The following STARD13 variants were observed in gnomAD, a reference collection of about 807,000 sequenced individuals.
STARD13 encodes stAR-related lipid transfer protein 13.
In STARD13, 62 loss-of-function variants were observed where a neutral mutation model predicts 106.4. The observed-to-expected ratio is 0.58, with a 90% confidence interval of 0.48 to 0.72. The LOEUF is 0.72. Among genes scored for constraint, STARD13 ranks in the 30% least tolerant of loss-of-function variants. STARD13 has a pLI of 0.00. For missense variants in STARD13, 1,387 were observed against 1,424.0 expected (o/e 0.97, Z 0.42); for synonymous variants, 565 against 553.0 (o/e 1.02, Z -0.31).
At chr13:33,342,132 T>TA (rs1166725256) in intron 1 of STARD13, among the ~76,000 whole-genome samples, 1 of 152,190 alleles carries the variant, frequency 6.6e-6, no homozygotes, top group Non-Finnish European at 1.5e-5. Context: ...TATCTATTTA[T>TA]ATGCTCTGAA....
At chr13:33,207,294 C>T (rs538703628) in intron 1 of STARD13, among the ~76,000 whole-genome samples, 45 of 152,324 alleles carry the variant, frequency 3.0e-4, no homozygotes, top group Non-Finnish European at 5.7e-4. Context: ...TACCTTAGTT[C>T]TCCTTCCACT....
chr13:33,669,163 G>C, the STARD13 span, among the ~76,000 whole-genome samples: 1 of 152,192 alleles, frequency 6.6e-6, no homozygotes, highest in Non-Finnish European at 1.5e-5. Context: ...AGAATGGCTT[G>C]CAGAATAGGA....
intron 7 of STARD13, among the ~76,000 whole-genome samples, chr13:33,120,033 A>G (rs1876028071): frequency 6.6e-6 from 1 of 152,244 alleles, no homozygotes; most frequent in South Asian, 2.1e-4. Flanking sequence ...AAGGAGGCCC[A>G]GGACTGTGCA....
chr13:33,676,520 G>A, the STARD13 span, among the ~76,000 whole-genome samples: 3 of 152,132 alleles, frequency 2.0e-5, no homozygotes, highest in African/African-American at 7.2e-5. Context: ...TTAAGTCAGA[G>A]CTGTGCGTGC....
intron 1 of STARD13, among the ~76,000 whole-genome samples, chr13:33,249,240 C>T (rs1191214820): frequency 6.6e-6 from 1 of 152,226 alleles, no homozygotes; most frequent in East Asian, 1.9e-4. Flanking sequence ...CCACAAGCAG[C>T]TGTCAATAAA....
At chr13:33,532,774 A>G in the STARD13 span, among the ~76,000 whole-genome samples, 1 of 152,348 alleles carries the variant, frequency 6.6e-6, no homozygotes, top group East Asian at 1.9e-4. Flanking sequence ...GTAATTATGA[A>G]CTAATCTGAT....
the STARD13 span, among the ~76,000 whole-genome samples, chr13:33,608,614 A>G: frequency 6.6e-6 from 1 of 152,208 alleles, no homozygotes; most frequent in Non-Finnish European, 1.5e-5. Flanking sequence ...CAGTGGTGAT[A>G]AGGTAGACTC....
At chr13:33,628,744 G>A in the STARD13 span, among the ~76,000 whole-genome samples, 3 of 152,158 alleles carry the variant, frequency 2.0e-5, no homozygotes, top group East Asian at 1.9e-4. Context: ...GGGAGGCACC[G>A]CATTGTAGGG....
chr13:33,538,918 T>C, the STARD13 span, among the ~76,000 whole-genome samples: 27 of 152,044 alleles, frequency 1.8e-4, no homozygotes, highest in Non-Finnish European at 1.6e-4. Context: ...TACAGGTGCC[T>C]GCCACCATGC....
intron 6 of STARD13, among the ~76,000 whole-genome samples, chr13:33,126,638 A>G (rs1215828613): frequency 1.3e-5 from 2 of 152,256 alleles, no homozygotes; most frequent in Non-Finnish European, 2.9e-5. Context: ...GGGAGAAAAG[A>G]AGAACAATAT....
the STARD13 span, among the ~76,000 whole-genome samples, chr13:33,643,468 CAT>C: frequency 3.9e-5 from 6 of 152,252 alleles, no homozygotes; most frequent in African/African-American, 1.4e-4. Context: ...GCTGGAGACT[CAT>C]AGTGTGGCCC....
At chr13:33,314,161 C>T (rs962373726) in intron 1 of STARD13, among the ~76,000 whole-genome samples, 1 of 152,014 alleles carries the variant, frequency 6.6e-6, no homozygotes, top group Non-Finnish European at 1.5e-5. Context: ...GGAGAGAGAC[C>T]CCTCTCCAAG....
the STARD13 span, among the ~76,000 whole-genome samples, chr13:33,427,614 T>C: frequency 6.6e-6 from 1 of 152,170 alleles, no homozygotes; most frequent in Admixed American, 6.5e-5. Context: ...TAGCCAGTAG[T>C]TATATACAGG....
At chr13:33,460,406 G>A in the STARD13 span, among the ~76,000 whole-genome samples, 13 of 151,344 alleles carry the variant, frequency 8.6e-5, no homozygotes, top group Non-Finnish European at 1.3e-4. Flanking sequence ...CAGGAGAACC[G>A]CTTGAACCTG....
the STARD13 span, among the ~76,000 whole-genome samples, chr13:33,485,875 G>A: frequency 3.9e-5 from 6 of 152,152 alleles, no homozygotes; most frequent in Non-Finnish European, 5.9e-5. Flanking sequence ...AGAGATGCAA[G>A]AAGAAAACAA....
At chr13:33,326,771 G>A (rs2077780058) in intron 1 of STARD13, among the ~76,000 whole-genome samples, 1 of 152,192 alleles carries the variant, frequency 6.6e-6, no homozygotes, top group African/African-American at 2.4e-5. Context: ...GTTATCTTAT[G>A]TATTAGGTTA....
At chr13:33,116,612 T>A (rs1026947439) in intron 8 of STARD13, among the ~76,000 whole-genome samples, 1 of 152,260 alleles carries the variant, frequency 6.6e-6, no homozygotes, top group Admixed American at 6.5e-5. Flanking sequence ...GGCTTTAGCC[T>A]TAGACTAGTG....
the STARD13 span, among the ~76,000 whole-genome samples, chr13:33,435,512 A>G: frequency 6.6e-6 from 1 of 152,148 alleles, no homozygotes; most frequent in South Asian, 2.1e-4. Context: ...GCACACTTTG[A>G]TGCTTTCTTT....
the STARD13 span, among the ~76,000 whole-genome samples, chr13:33,537,987 C>G: frequency 2.0e-5 from 3 of 152,146 alleles, no homozygotes; most frequent in Non-Finnish European, 4.4e-5. Context: ...CCCACAAACA[C>G]CTCTGGAATT....
Sources: gnomAD v4.1 joint callset for allele counts (sites outside exome capture counted in the v4.1 genomes callset) on GRCh38, gnomAD v4.1.1 for gene constraint, MANE v1.5 for transcripts, NCBI Gene and HGNC (gene_info 2026-07-23, HGNC 2026-07-21) for gene names.